The following CARMIL1 variants were observed in gnomAD, a reference collection of about 807,000 sequenced individuals.
CARMIL1 encodes the protein capping protein regulator and myosin 1 linker 1.
CARMIL1 carries 90 observed loss-of-function variants against 177.1 expected under a neutral mutation model. The ratio of observed to expected loss-of-function variants is 0.51; its 90% confidence interval spans 0.43 to 0.61. The LOEUF (loss-of-function observed/expected upper bound fraction) is 0.61. Among genes scored for constraint, CARMIL1 ranks in the 20% least tolerant of loss-of-function variants. The pLI is 0.00. For synonymous variants in CARMIL1, 577 were observed against 606.2 expected (o/e 0.95, Z 0.71); for missense variants, 1,380 against 1,667.0 (o/e 0.83, Z 3.00).
chr6:25,598,381 G>A (rs1815056510), intron 32 of CARMIL1, among the ~76,000 whole-genome samples: 1 of 151,980 alleles, frequency 6.6e-6, no homozygotes, highest in Non-Finnish European at 1.5e-5. Context: ...TGGGACTACA[G>A]GCATGGACCA....
Position 25,510,722 on chromosome 6 carries a change from T to C in CARMIL1, c.1592T>C (p.Val531Ala). The change falls in exon 20 of 37, where the codon GTA becomes GCA. Residue 531 changes from valine (V) to alanine (A), a missense_variant. By Grantham distance (64) the Val-to-Ala change is moderately conservative. Transcript: ENST00000329474. ...NNMKSKNLTP[V>A]LDNLVQMIQD... ...AATCTCTTTAGAAATCTGACACCTG[T>C]ATTGGACAACTTAGTACAGATGATT... 6.5e-7 allele frequency: 1 copy of C among 1,549,110 alleles called. No individual in the cohort carries two copies. Among genetic ancestry groups the C allele is most frequent in the Non-Finnish European group, 8.7e-7 (1 of 1,143,178 alleles).
At chr6:25,448,217 G>A (rs576614028) in intron 5 of CARMIL1, among the ~76,000 whole-genome samples, 89 of 152,216 alleles carry the variant, frequency 5.8e-4, no homozygotes, top group African/African-American at 1.8e-3. Flanking sequence ...TAATCATCAC[G>A]TACTCATCTG....
At chr6:25,322,881 C>G (rs1276839978) in intron 2 of CARMIL1, among the ~76,000 whole-genome samples, 5 of 152,120 alleles carry the variant, frequency 3.3e-5, no homozygotes, top group African/African-American at 1.2e-4. Context: ...AGTGGCATTC[C>G]GCACAGTCTG....
In CARMIL1 at chr6:25,581,182, ATC is replaced by A. The variant is rs1464902882; in HGVS notation, c.2810-57_2810-56del. On this transcript the variant is annotated intron_variant, in intron 30 of 36. Transcript: ENST00000329474. ...AATTACTTTTAGGAATTTTTTATCC[ATC>A]TCTATGCATTAAGCTTTGGCCTTGG... 12 of 1,481,914 alleles carry A rather than the reference ATC, an allele frequency of 8.1e-6. No individual in the cohort carries two copies. In the South Asian group the frequency reaches 1.3e-4, roughly 15 times the overall value. 91.8% of individuals were successfully genotyped at this position (1,481,914 alleles called of 1,614,324 possible).
chr6:25,441,349 G>GTGTGTGTGTA (rs1797759377), intron 5 of CARMIL1, among the ~76,000 whole-genome samples: 2 of 122,834 alleles, frequency 1.6e-5, no homozygotes, highest in Admixed American at 8.0e-5. Flanking sequence ...GTGTGTGTGT[G>GTGTGTGTGTA]TGTGTGTGTG....
intron 2 of CARMIL1, among the ~76,000 whole-genome samples, chr6:25,286,066 T>TA (rs745911488): frequency 6.6e-6 from 1 of 152,254 alleles, no homozygotes; most frequent in East Asian, 1.9e-4. Flanking sequence ...AGAGACAGGG[T>TA]CTCCCTGTAT....
intron 5 of CARMIL1, among the ~76,000 whole-genome samples, chr6:25,442,486 A>G (rs181772476): frequency 9.6e-5 from 13 of 134,888 alleles, no homozygotes; most frequent in Non-Finnish European, 1.6e-4. Context: ...GTGTGTGTGT[A>G]TGTGTGTGTG....
intron 2 of CARMIL1, among the ~76,000 whole-genome samples, chr6:25,364,258 A>G (rs1041620085): frequency 6.6e-6 from 1 of 152,086 alleles, no homozygotes; most frequent in Admixed American, 6.5e-5. Flanking sequence ...TTTAGATTTC[A>G]TAGGTTTTAC....
chr6:25,316,142 C>G (rs1784251175), intron 2 of CARMIL1, among the ~76,000 whole-genome samples: 1 of 152,180 alleles, frequency 6.6e-6, no homozygotes, highest in Non-Finnish European at 1.5e-5. Flanking sequence ...CTGAGAAATG[C>G]TTCTAATGAC....
At chr6:25,362,047 A>T (rs1789259316) in intron 2 of CARMIL1, among the ~76,000 whole-genome samples, 1 of 152,152 alleles carries the variant, frequency 6.6e-6, no homozygotes, top group Admixed American at 6.5e-5. Context: ...ACAGTCTGTG[A>T]TACTGTGTTA....
At chr6:25,389,314 A>C (rs1027272007) in intron 2 of CARMIL1, 8 of 152,098 alleles carry the variant, frequency 5.3e-5, no homozygotes, top group African/African-American at 1.4e-4. Flanking sequence ...TATGTTTTGC[A>C]TAACTTTAAA....
chr6:25,606,433 A>T lies in CARMIL1; in HGVS notation c.3847+160A>T, dbSNP rs140444362. ...AAACCTATGCAAAGCTGTGAAAGTG[A>T]TGAGAGCTGACGGATTCTTTTATTT... On this transcript the variant is annotated intron_variant, in intron 35 of 36. Transcript: ENST00000329474. Among the ~76,000 whole-genome samples, 464 of 152,310 alleles carry T rather than the reference A, an allele frequency of 3.0e-3. 2 individuals are homozygous for T. Among genetic ancestry groups the T allele is most frequent in the African/African-American group, 9.6e-3 (397 of 41,556 alleles).
intron 26 of CARMIL1, among the ~76,000 whole-genome samples, chr6:25,548,976 G>T (rs978216420): frequency 1.3e-5 from 2 of 152,194 alleles, no homozygotes; most frequent in East Asian, 3.9e-4. Flanking sequence ...TTAAAGTGCT[G>T]TATTGTACTG....
intron 36 of CARMIL1, among the ~76,000 whole-genome samples, chr6:25,617,958 C>T (rs1256141903): frequency 2.0e-5 from 3 of 152,066 alleles, no homozygotes; most frequent in African/African-American, 7.2e-5. Flanking sequence ...TGCTTTCTTC[C>T]CCCAGTTTGA....
At chr6:25,382,686 A>T (rs898712754) in intron 2 of CARMIL1, among the ~76,000 whole-genome samples, 2 of 152,132 alleles carry the variant, frequency 1.3e-5, no homozygotes, top group Non-Finnish European at 2.9e-5. Context: ...TGGTGCATTT[A>T]CAATCCTTTG....
intron 9 of CARMIL1, among the ~76,000 whole-genome samples, chr6:25,468,386 G>A (rs558502206): frequency 4.0e-5 from 6 of 151,768 alleles, no homozygotes; most frequent in African/African-American, 9.7e-5. Flanking sequence ...TAATGTATAC[G>A]GTTTCTTTCA....
intron 4 of CARMIL1, among the ~76,000 whole-genome samples, chr6:25,428,746 C>T (rs745996137): frequency 1.8e-4 from 27 of 152,244 alleles, no homozygotes; most frequent in Admixed American, 3.9e-4. Flanking sequence ...TTACATATGT[C>T]TAAATTCATT....
intron 16 of CARMIL1, among the ~76,000 whole-genome samples, chr6:25,496,126 G>A (rs1803679664): frequency 6.6e-6 from 1 of 151,922 alleles, no homozygotes; most frequent in Non-Finnish European, 1.5e-5. Flanking sequence ...GTTTTGAGAG[G>A]TATGAAGTTC....
chr6:25,616,177 A>AT (rs1207253938), intron 36 of CARMIL1, among the ~76,000 whole-genome samples: 4 of 152,172 alleles, frequency 2.6e-5, no homozygotes, highest in African/African-American at 4.8e-5. Context: ...AAACAATTGG[A>AT]TTTTTTTCAT....
Sources: gnomAD v4.1 joint callset for allele counts (sites outside exome capture counted in the v4.1 genomes callset) on GRCh38, gnomAD v4.1.1 for gene constraint, MANE v1.5 for transcripts, NCBI Gene and HGNC (gene_info 2026-07-23, HGNC 2026-07-21) for gene names.